Variants in PRPSAP2 observed in about 807,000 individuals in gnomAD.
The protein encoded by PRPSAP2 is phosphoribosyl pyrophosphate synthase-associated protein 2.
Under a neutral mutation model 40.6 loss-of-function variants are expected in PRPSAP2, and 24 were observed. The observed-to-expected ratio is 0.59, with a 90% CI of 0.43 to 0.83. The LOEUF is 0.83. Among genes scored for constraint, PRPSAP2 ranks in the 40% least tolerant of loss-of-function variants. PRPSAP2 has a pLI of 0.00. For synonymous variants in PRPSAP2, 149 were observed against 164.7 expected (o/e 0.90, Z 0.73); for missense variants, 292 against 465.6 (o/e 0.63, Z 3.43).
At chr17:18,895,522 T>C (rs2039862031) in intron 8 of PRPSAP2, among the ~76,000 whole-genome samples, 2 of 152,026 alleles carry the variant, frequency 1.3e-5, no homozygotes, top group Admixed American at 1.3e-4. Flanking sequence ...TTGGGCTTTT[T>C]CAGAGATCGT....
intron 9 of PRPSAP2, among the ~76,000 whole-genome samples, chr17:18,921,722 G>A (rs931907357): frequency 1.3e-5 from 2 of 152,162 alleles, no homozygotes; most frequent in African/African-American, 4.8e-5. Context: ...GTGGTCCCTT[G>A]CAGCATAAAC....
chr17:18,873,421 G>C (rs2038046760), intron 5 of PRPSAP2, among the ~76,000 whole-genome samples: 1 of 151,920 alleles, frequency 6.6e-6, no homozygotes, highest in East Asian at 1.9e-4. Flanking sequence ...GGTCAGGCTG[G>C]TCTTGAACTC....
chr17:18,875,128 C>T (rs946218705), intron 5 of PRPSAP2, among the ~76,000 whole-genome samples: 2 of 152,194 alleles, frequency 1.3e-5, no homozygotes, highest in Non-Finnish European at 2.9e-5. Context: ...AATCACTCAG[C>T]ACCCCTTTCA....
chr17:18,897,743 G>A (rs1385914608), intron 8 of PRPSAP2, among the ~76,000 whole-genome samples: 4 of 151,750 alleles, frequency 2.6e-5, no homozygotes, highest in Admixed American at 2.0e-4. Flanking sequence ...GATTACAGGC[G>A]TGAGCCACCA....
intron 8 of PRPSAP2, among the ~76,000 whole-genome samples, chr17:18,907,043 A>G (rs1002546609): frequency 6.6e-6 from 1 of 151,880 alleles, no homozygotes; most frequent in Non-Finnish European, 1.5e-5. Flanking sequence ...TATAGATAGT[A>G]CTAGTGGGAT....
intron 1 of PRPSAP2, among the ~76,000 whole-genome samples, chr17:18,859,935 A>G (rs959606421): frequency 2.6e-5 from 4 of 151,710 alleles, no homozygotes; most frequent in Non-Finnish European, 4.4e-5. Context: ...TAGTAGAGAC[A>G]GGGTGTCACC....
intron 8 of PRPSAP2, chr17:18,908,301 A>G (rs2040730306): frequency 5.2e-6 from 4 of 776,642 alleles, no homozygotes; most frequent in South Asian, 2.7e-5. Context: ...CATGAGGACC[A>G]TGATACTTCC....
intron 6 of PRPSAP2, among the ~76,000 whole-genome samples, chr17:18,881,539 T>C (rs1222160585): frequency 4.0e-5 from 6 of 150,704 alleles, no homozygotes; most frequent in South Asian, 2.1e-4. Flanking sequence ...TGTCCGGCCT[T>C]ATTTTTTATT....
intron 8 of PRPSAP2, among the ~76,000 whole-genome samples, chr17:18,896,103 A>G (rs1008116953): frequency 6.6e-6 from 1 of 152,118 alleles, no homozygotes. Flanking sequence ...TGCCTTGTAC[A>G]TTTTAGTTAA....
At chr17:18,923,353 G>A (rs1325980012) in intron 9 of PRPSAP2, among the ~76,000 whole-genome samples, 7 of 145,484 alleles carry the variant, frequency 4.8e-5, no homozygotes, top group South Asian at 2.2e-4. Context: ...TGATCCGCCC[G>A]CCTCAGCCTC....
At chr17:18,915,485 C>CA (rs34598938) in intron 9 of PRPSAP2, among the ~76,000 whole-genome samples, 27,437 of 152,018 alleles carry the variant, frequency 0.18, 2,717 homozygotes, top group African/African-American at 0.25. Context: ...AAAGAAGACA[C>CA]TTTATTTAGC....
At chr17:18,929,391 T>C (rs2042141867) in intron 11 of PRPSAP2, among the ~76,000 whole-genome samples, 1 of 150,920 alleles carries the variant, frequency 6.6e-6, no homozygotes, top group South Asian at 2.1e-4. Flanking sequence ...ATAATAATAA[T>C]GTGTACAACT....
intron 8 of PRPSAP2, among the ~76,000 whole-genome samples, chr17:18,901,442 C>T (rs563867126): frequency 1.6e-4 from 25 of 152,226 alleles, no homozygotes; most frequent in Non-Finnish European, 2.9e-4. Context: ...TGCAGTGGCA[C>T]GATCTTGGCT....
intron 11 of PRPSAP2, chr17:18,929,494 T>C (rs2042150514): frequency 6.6e-6 from 1 of 152,198 alleles, no homozygotes; most frequent in African/African-American, 2.4e-5. Context: ...CCATACCCAT[T>C]AGCTGTCACT....
intron 7 of PRPSAP2, among the ~76,000 whole-genome samples, chr17:18,885,841 C>T (rs906608971): frequency 6.6e-6 from 1 of 152,142 alleles, no homozygotes; most frequent in African/African-American, 2.4e-5. Flanking sequence ...CCCACCTTGG[C>T]CTCCCAAAGT....
chr17:18,879,725 A>G (rs1597581795), intron 6 of PRPSAP2, among the ~76,000 whole-genome samples: 1 of 149,392 alleles, frequency 6.7e-6, no homozygotes, highest in African/African-American at 2.4e-5. Flanking sequence ...AAGTGTTGGG[A>G]TTACAGGCGT....
At chr17:18,919,941 TTAA>T (rs1157534551) in intron 9 of PRPSAP2, among the ~76,000 whole-genome samples, 4 of 152,102 alleles carry the variant, frequency 2.6e-5, no homozygotes, top group African/African-American at 9.7e-5. Context: ...TGGGAGGGTG[TTAA>T]TAAAGCGTTT....
At chr17:18,916,453 G>T (rs1040037634) in intron 9 of PRPSAP2, among the ~76,000 whole-genome samples, 5 of 148,406 alleles carry the variant, frequency 3.4e-5, no homozygotes, top group Non-Finnish European at 7.4e-5. Flanking sequence ...TTGGCTCACC[G>T]CAACTTCCAC....
chr17:18,873,891 C>T (rs963901078), intron 5 of PRPSAP2, among the ~76,000 whole-genome samples: 2 of 151,716 alleles, frequency 1.3e-5, no homozygotes, highest in Non-Finnish European at 2.9e-5. Flanking sequence ...ACCTGGAGCC[C>T]TACTTTTTTT....
Sources: allele counts gnomAD v4.1 joint callset (sites outside exome capture counted in the v4.1 genomes callset), GRCh38; gene constraint gnomAD v4.1.1; transcripts MANE v1.5; gene names NCBI Gene and HGNC (gene_info 2026-07-23, HGNC 2026-07-21).